The following REXO1 variants were observed in gnomAD, a reference collection of about 807,000 sequenced individuals.
REXO1 encodes the protein RNA exonuclease 1 homolog.
In REXO1, 42 loss-of-function variants were observed where a neutral mutation model predicts 102.6. The observed-to-expected ratio is 0.41, with a 90% CI of 0.32 to 0.53. REXO1 has a LOEUF of 0.53. Ranked by LOEUF, REXO1 falls within the 20% of genes least tolerant of loss-of-function variation. The pLI, the probability that REXO1 is intolerant of heterozygous loss-of-function variation, is 0.27. For missense variants in REXO1, 1,819 were observed against 1,732.5 expected, an observed-to-expected ratio of 1.05 and a Z score of -0.89; for synonymous variants, 908 against 779.1, an observed-to-expected ratio of 1.17 and a Z score of -2.76.
At chr19:1,816,641 G>GGC in intron 13 of REXO1, 57 bp downstream of exon 13, 4 of 1,021,764 alleles carry the variant, frequency 3.9e-6, no homozygotes, top group Non-Finnish European at 5.9e-6. Context: ...GGGAGGGTGG[G>GGC]TCCCTGGGGA....
chr19:1,830,269 G>T (rs908209939), intron 1 of REXO1, among the ~76,000 whole-genome samples: 2 of 152,228 alleles, frequency 1.3e-5, no homozygotes, highest in Non-Finnish European at 2.9e-5. Context: ...AGCACTTTGG[G>T]AGGCTGAGGC....
intron 1 of REXO1, among the ~76,000 whole-genome samples, chr19:1,829,723 G>A (rs1445034011): frequency 2.0e-5 from 3 of 152,022 alleles, no homozygotes; most frequent in African/African-American, 7.2e-5. Context: ...CAGGAGAATC[G>A]CTTGAACCTG....
chr19:1,833,841 G>C (rs1034333446), intron 1 of REXO1, among the ~76,000 whole-genome samples: 1 of 152,362 alleles, frequency 6.6e-6, no homozygotes, highest in Admixed American at 6.5e-5. Flanking sequence ...GAGCTGCAGA[G>C]ATTCATGAAG....
chr19:1,847,387 C>T (rs1479643300), intron 1 of REXO1, among the ~76,000 whole-genome samples: 1 of 152,122 alleles, frequency 6.6e-6, no homozygotes, highest in African/African-American at 2.4e-5. Flanking sequence ...AAATCTGGGA[C>T]GAAGGAAGTC....
Position 1,816,541 on chromosome 19 carries a change from C to G in REXO1, c.3346G>C (p.Ala1116Pro). ...RFSGVTEADL[A>P]DTSVTLRDVQ... ...TCACGCAGCGTGACACTTGTGTCGG[C>G]AAGGTCAGCCTCCGTCACCCCCGAA... Residue 1116 changes from alanine (A) to proline (P), a missense_variant, in exon 14 of 16, where the codon GCC becomes CCC. By Grantham distance (27) the Ala-to-Pro change is conservative. Coordinates refer to ENST00000170168, the MANE Select transcript of REXO1 (RefSeq NM_020695.4). 2 of 1,607,392 alleles carry G rather than the reference C, an allele frequency of 1.2e-6. No homozygotes were observed. Among genetic ancestry groups the G allele is most frequent in the Non-Finnish European group, 1.7e-6 (2 of 1,178,198 alleles).
In REXO1 at chr19:1,848,314, A is replaced by G; in HGVS notation, c.45T>C (p.Tyr15=). The change falls in exon 1 of 16, where the codon TAT becomes TAC. Residue 15 remains tyrosine (Y), a synonymous_variant. Coordinates refer to ENST00000170168, the MANE Select transcript of REXO1 (RefSeq NM_020695.4). ...AGGGCCCCCCGGGCGCCCCAGACCAATAGGGGCAGTCAATGGCCCGGAAGA... is the reference window on the plus strand; with the variant it reads ...AGGGCCCCCCGGGCGCCCCAGACCAGTAGGGGCAGTCAATGGCCCGGAAGA... ...TGFFRAIDCP[Y]WSGAPGGPCR... 1.6e-6 allele frequency: 2 copies of G among 1,227,492 alleles called. No individual in the cohort carries two copies. Among genetic ancestry groups the G allele is most frequent in the East Asian group, 3.3e-5 (1 of 30,340 alleles). The allele number at this position is 1,227,492 out of a possible 1,614,324, so 76.0% of individuals were successfully genotyped here.
intron 1 of REXO1, among the ~76,000 whole-genome samples, chr19:1,845,326 G>A (rs1309018109): frequency 6.6e-6 from 1 of 152,190 alleles, no homozygotes; most frequent in Non-Finnish European, 1.5e-5. Context: ...AAGGGCTGCT[G>A]GACCATCCCT....
chr19:1,821,661 G>A lies in REXO1; in HGVS notation c.2252C>T (p.Thr751Ile), dbSNP rs2069545715. ...LAAAPTGAKR[T>I]LAASGSQSSN... The stretch of plus-strand genomic sequence containing the variant: ...GGACTGGCTGCCGCTGGCCGCAAGG[G>A]TCCTCTTGGCACCTGTGGGGGCTGG... The change falls in exon 5 of 16, where the codon ACC becomes ATC. Residue 751 changes from threonine (T) to isoleucine (I), a missense_variant. Coordinates refer to ENST00000170168, the MANE Select transcript of REXO1 (RefSeq NM_020695.4). 2 of 1,612,818 alleles carry A rather than the reference G, an allele frequency of 1.2e-6. No individual in the cohort carries two copies. The highest frequency in any genetic ancestry group is 1.7e-6 in the Non-Finnish European group (2 of 1,179,718).
chr19:1,826,049 C>T lies in REXO1; in HGVS notation c.1912-106G>A, dbSNP rs2069710223. ...CAAGTGGGGAATGGAACAGTCCAGC[C>T]CCCAGGCACAGCAGCTGAGGGCTCA... On this transcript the variant is annotated intron_variant, in intron 2 of 15. Transcript: ENST00000170168. This position sits in a 1 kb window ranked among gnomAD's most constrained non-coding sequence, Gnocchi z 4.3. 1.3e-6 allele frequency: 1 copy of T among 772,698 alleles called. No individual in the cohort carries two copies. Among genetic ancestry groups the T allele is most frequent in the East Asian group, 2.7e-5 (1 of 37,468 alleles). 47.9% of individuals were successfully genotyped at this position (772,698 alleles called of 1,614,324 possible). A position where few individuals can be genotyped will look rare whatever the true frequency, so the allele number is the denominator to read the frequency against.
chr19:1,817,532 A>G, intron 11 of REXO1, 175 bp downstream of exon 11: 1 of 1,465,328 alleles, frequency 6.8e-7, no homozygotes. Context: ...GGAAGTGGCC[A>G]GGGACAGGGC....
chr19:1,818,685 C>A, intron 9 of REXO1, 21 bp downstream of exon 9: 1 of 1,610,078 alleles, frequency 6.2e-7, no homozygotes. Context: ...CCACCTAGGC[C>A]GTCGCAGGCC....
chr19:1,835,522 T>G (rs114551073), intron 1 of REXO1, among the ~76,000 whole-genome samples: 4 of 152,178 alleles, frequency 2.6e-5, no homozygotes, highest in African/African-American at 9.7e-5. Context: ...CACTCCAACC[T>G]GGGCGACAGA....
intron 1 of REXO1, among the ~76,000 whole-genome samples, chr19:1,845,391 C>T (rs1168582301): frequency 1.3e-5 from 2 of 152,196 alleles, no homozygotes; most frequent in Non-Finnish European, 2.9e-5. Context: ...CAGCCCAGCG[C>T]GGTGCTTCAC....
Position 1,827,424 on chromosome 19 carries a change from C to G in REXO1, c.1365G>C (p.Ala455=). ...CCCCGCTTGTGGGGCTCGGCCGCCG[C>G]GCTGGCCGGTCAGGCCTCCCTTTCC... ...TSGKGRPDRP[A]RRPSPTSGDS... Residue 455 remains alanine (A), a synonymous_variant, in exon 2 of 16, where the codon GCG becomes GCC. Coordinates refer to ENST00000170168, the MANE Select transcript of REXO1 (RefSeq NM_020695.4). The G allele has an allele frequency of 6.5e-7, 1 of 1,549,754 alleles. No individual in the cohort carries two copies. The highest frequency in any genetic ancestry group is 8.6e-7 in the Non-Finnish European group (1 of 1,158,440).
At position 1,828,553 on chromosome 19, in the gene REXO1, TC is replaced by T; in HGVS notation, c.235del (p.Glu79ArgfsTer81). The T allele has an allele frequency of 6.2e-7, 1 of 1,604,060 alleles. No individual in the cohort carries two copies. Reference sequence around the variant, plus strand: ...CTCCAGCACATCCGGGCGCGGCTCCTCCCCCAGGCCCAGGGTGCCATTCTCC... The same window carrying T: ...CTCCAGCACATCCGGGCGCGGCTCCTCCCCAGGCCCAGGGTGCCATTCTCC... ...QRENGTLGLG[E>X]EPRPDVLELE... On this transcript the variant is annotated frameshift_variant, in exon 2 of 16. Transcript: ENST00000170168. LOFTEE classifies it high-confidence loss of function.
chr19:1,823,579 C>T lies in REXO1; in HGVS notation c.2223G>A (p.Leu741=). Residue 741 remains leucine (L), a synonymous_variant, in exon 4 of 16, where the codon CTG becomes CTA. Transcript: ENST00000170168. ...CCCTGGGCCAGGACTCACCTGCAGC[C>T]AGGCGGGGGTTGGGGATGTGGGCGA... ...RRIAHIPNPR[L]AAAPTGAKRT... 8 of 1,311,700 alleles carry T rather than the reference C, an allele frequency of 6.1e-6. No homozygotes were observed. The highest frequency in any genetic ancestry group is 7.8e-6 in the Non-Finnish European group (8 of 1,022,830). The allele number at this position is 1,311,700 out of a possible 1,614,324, so 81.3% of individuals were successfully genotyped here.
Position 1,848,264 on chromosome 19 carries a change from C to A in REXO1, c.95G>T (p.Arg32Leu). Reference sequence around the variant, plus strand: ...GCCGGAGCCCCGGGCCCCGCGGTGCCGGAAGTGGCAGTAGGGCCGCCGGCA... The same window carrying A: ...GCCGGAGCCCCGGGCCCCGCGGTGCAGGAAGTGGCAGTAGGGCCGCCGGCA... ...GPCRRPYCHF[R>L]HRGARGSGAP... is the part of the protein sequence containing the mutation. Residue 32 changes from arginine (R) to leucine (L), a missense_variant, in exon 1 of 16, where the codon CGG becomes CTG. Physicochemically the swap from Arg to Leu is moderately radical, Grantham distance 102. Coordinates refer to ENST00000170168, the MANE Select transcript of REXO1 (RefSeq NM_020695.4). 1 of 1,231,680 alleles carries A rather than the reference C, an allele frequency of 8.1e-7. No individual in the cohort carries two copies. Among genetic ancestry groups the A allele is most frequent in the Non-Finnish European group, 1.0e-6 (1 of 982,822 alleles). The allele number at this position is 1,231,680 out of a possible 1,614,324, so 76.3% of individuals were successfully genotyped here. A position where few individuals can be genotyped will look rare whatever the true frequency, so the allele number is the denominator to read the frequency against.
At position 1,827,382 on chromosome 19, in the gene REXO1, G is replaced by C; in HGVS notation, c.1407C>G (p.Ala469=). ...SPTSGDSRPA[A]GRGPPRPLQL... Reference sequence around the variant, plus strand: ...GGAGGGGGCGGGGTGGGCCTCTGCCGGCCGCCGGTCGGGAGTCCCCGCTTG... The same window carrying C: ...GGAGGGGGCGGGGTGGGCCTCTGCCCGCCGCCGGTCGGGAGTCCCCGCTTG... Residue 469 remains alanine (A), a synonymous_variant, in exon 2 of 16, where the codon GCC becomes GCG. Transcript: ENST00000170168. 3.3e-6 allele frequency: 5 copies of C among 1,534,504 alleles called. No homozygotes were observed. The highest frequency in any genetic ancestry group is 4.4e-6 in the Non-Finnish European group (5 of 1,147,566).
At chr19:1,843,577 G>A (rs1264994817) in intron 1 of REXO1, among the ~76,000 whole-genome samples, 1 of 152,114 alleles carries the variant, frequency 6.6e-6, no homozygotes, top group Admixed American at 6.5e-5. Context: ...GCAGGCAGGC[G>A]GCCCCGGTGG....
Sources: allele counts gnomAD v4.1 joint callset (sites outside exome capture counted in the v4.1 genomes callset), GRCh38; gene constraint gnomAD v4.1.1; non-coding constraint Gnocchi (gnomAD v3.1); transcripts MANE v1.5; gene names NCBI Gene and HGNC (gene_info 2026-07-23, HGNC 2026-07-21).